Variants in MCC observed in about 807,000 individuals in gnomAD.
MCC encodes colorectal mutant cancer protein.
A neutral mutation model predicts 116.2 loss-of-function variants in MCC; 90 were observed. The observed-to-expected ratio is 0.77, with a 90% CI of 0.65 to 0.92. The LOEUF (loss-of-function observed/expected upper bound fraction) is 0.92. Among genes scored for constraint, MCC ranks in the 40% least tolerant of loss-of-function variants. The pLI is 0.00. For missense variants in MCC, 1,516 were observed against 1,312.2 expected (o/e 1.16, Z -2.40); for synonymous variants, 578 against 510.5 (o/e 1.13, Z -1.78).
chr5:113,186,258 G>C (rs1181900650), intron 3 of MCC, among the ~76,000 whole-genome samples: 1 of 152,190 alleles, frequency 6.6e-6, no homozygotes, highest in African/African-American at 2.4e-5. Context: ...GGTGGCAGGG[G>C]ACGTGCCAGC....
chr5:113,365,662 A>T (rs1199341620), intron 2 of MCC, among the ~76,000 whole-genome samples: 3 of 152,214 alleles, frequency 2.0e-5, no homozygotes, highest in Admixed American at 1.3e-4. Context: ...GAAATACCTG[A>T]GACTGGGTAA....
At chr5:113,259,816 C>T (rs1280252563) in intron 3 of MCC, among the ~76,000 whole-genome samples, 2 of 152,020 alleles carry the variant, frequency 1.3e-5, no homozygotes. Flanking sequence ...TTTGCAACCT[C>T]CAGCATAAAT....
intron 11 of MCC, 151 bp downstream of exon 11, chr5:113,082,709 C>A: frequency 1.1e-6 from 1 of 894,140 alleles, no homozygotes; most frequent in Non-Finnish European, 1.7e-6. Context: ...CCTCTGATGA[C>A]CAAGGTGGTA....
Position 113,385,091 on chromosome 5 carries a change from T to C in MCC, c.292A>G (p.Met98Val), listed in dbSNP as rs1168296328. ...TTCCTAATTTCTCGAACAAGCTGCA[T>C]GCGGCATCTTGTGAAATCCTGAAAG... Reference protein sequence around the residue: ...ISFQDFTRCRMQLVREIRKEE... With the variant: ...ISFQDFTRCRVQLVREIRKEE... The change falls in exon 2 of 19, where the codon ATG becomes GTG. Residue 98 changes from methionine (M) to valine (V), a missense_variant. By Grantham distance (21) the Met-to-Val change is conservative. Transcript: ENST00000408903. 1.2e-6 allele frequency: 2 copies of C among 1,614,216 alleles called. No homozygotes were observed. Among genetic ancestry groups the C allele is most frequent in the Non-Finnish European group, 1.7e-6 (2 of 1,180,042 alleles).
chr5:113,122,439 C>G (rs140158686), intron 6 of MCC, among the ~76,000 whole-genome samples: 117 of 152,270 alleles, frequency 7.7e-4, no homozygotes, highest in African/African-American at 2.7e-3. Flanking sequence ...AAACTGGTTC[C>G]CTACTTCCAG....
chr5:113,080,470 G>C (rs977352355), intron 11 of MCC, among the ~76,000 whole-genome samples: 8 of 152,132 alleles, frequency 5.3e-5, no homozygotes, highest in African/African-American at 1.9e-4. Flanking sequence ...ATACTACTCA[G>C]CCATAAAAAA....
chr5:113,386,636 T>G (rs935458971), intron 1 of MCC, among the ~76,000 whole-genome samples: 1 of 152,156 alleles, frequency 6.6e-6, no homozygotes. Context: ...CACCAGCCTT[T>G]TTAGCTCATC....
chr5:113,466,470 G>A (rs1771912226), intron 1 of MCC, among the ~76,000 whole-genome samples: 1 of 151,756 alleles, frequency 6.6e-6, no homozygotes, highest in Admixed American at 6.6e-5. Flanking sequence ...TGCTGAGAAT[G>A]ATGGTTTCCA....
intron 2 of MCC, among the ~76,000 whole-genome samples, chr5:113,343,943 T>TA (rs1768072863): frequency 6.6e-6 from 1 of 152,118 alleles, no homozygotes; most frequent in South Asian, 2.1e-4. Flanking sequence ...TACCTACACA[T>TA]AAAAAAGCAC....
At chr5:113,179,182 A>G (rs1437248968) in intron 3 of MCC, among the ~76,000 whole-genome samples, 1 of 152,194 alleles carries the variant, frequency 6.6e-6, no homozygotes, top group Non-Finnish European at 1.5e-5. Flanking sequence ...ATATAAAGCC[A>G]GTGCTCTCTG....
chr5:113,149,925 C>T (rs969311804), intron 4 of MCC, among the ~76,000 whole-genome samples: 1 of 152,078 alleles, frequency 6.6e-6, no homozygotes, highest in Admixed American at 6.5e-5. Context: ...AAGGAATTCA[C>T]AGGAAAGTAA....
intron 3 of MCC, among the ~76,000 whole-genome samples, chr5:113,261,065 A>G (rs1765202772): frequency 6.6e-6 from 1 of 152,192 alleles, no homozygotes; most frequent in Non-Finnish European, 1.5e-5. Context: ...TTGTCGACTT[A>G]CGATGGGGTC....
intron 1 of MCC, among the ~76,000 whole-genome samples, chr5:113,460,471 CCACA>C (rs1244671990): frequency 1.3e-5 from 2 of 152,204 alleles, no homozygotes; most frequent in East Asian, 3.8e-4. Flanking sequence ...CAAACACACA[CCACA>C]CACATTGTGA....
At chr5:113,109,801 C>G (rs779266613) in intron 6 of MCC, among the ~76,000 whole-genome samples, 2 of 151,838 alleles carry the variant, frequency 1.3e-5, no homozygotes, top group Non-Finnish European at 2.9e-5. Flanking sequence ...AAAATTTTCC[C>G]CTGTGGGTTG....
At chr5:113,266,238 T>TACACACACAC (rs58228493) in intron 3 of MCC, among the ~76,000 whole-genome samples, 3 of 149,110 alleles carry the variant, frequency 2.0e-5, no homozygotes, top group African/African-American at 4.9e-5. Flanking sequence ...TCACCCCTTC[T>TACACACACAC]ACACACACAC....
At chr5:113,263,803 C>T (rs1215518659) in intron 3 of MCC, among the ~76,000 whole-genome samples, 1 of 152,074 alleles carries the variant, frequency 6.6e-6, no homozygotes, top group African/African-American at 2.4e-5. Flanking sequence ...AGCAGCTGGA[C>T]TCTTGCATTC....
At chr5:113,433,085 A>C (rs1476434215) in intron 1 of MCC, 1 of 153,242 alleles carries the variant, frequency 6.5e-6, no homozygotes, top group Non-Finnish European at 1.5e-5. Context: ...ATGGGGCACA[A>C]GATTTCTAGC....
chr5:113,338,622 A>C (rs974801472), intron 3 of MCC, among the ~76,000 whole-genome samples: 4 of 152,248 alleles, frequency 2.6e-5, no homozygotes. Flanking sequence ...GATTTCTGCT[A>C]TAACCCATCC....
At chr5:113,269,590 C>A (rs560741613) in intron 3 of MCC, among the ~76,000 whole-genome samples, 7 of 152,214 alleles carry the variant, frequency 4.6e-5, no homozygotes, top group African/African-American at 1.7e-4. Context: ...CCCCAACCTA[C>A]AGTCACATGC....
Sources: gnomAD v4.1 joint callset for allele counts (sites outside exome capture counted in the v4.1 genomes callset) on GRCh38, gnomAD v4.1.1 for gene constraint, MANE v1.5 for transcripts, NCBI Gene and HGNC (gene_info 2026-07-23, HGNC 2026-07-21) for gene names.